Variants in SUZ12 observed in about 807,000 individuals in gnomAD.
The protein encoded by SUZ12 is SUZ12 polycomb repressive complex 2 subunit, also known as polycomb protein SUZ12.
Under a neutral mutation model 87.3 loss-of-function variants are expected in SUZ12, and 17 were observed. The observed-to-expected ratio is 0.19, with a 90% CI of 0.13 to 0.29. The LOEUF is 0.29. Among genes scored for constraint, SUZ12 ranks in the 10% least tolerant of loss-of-function variants. The pLI is 1.00. For synonymous variants in SUZ12, 253 were observed against 312.4 expected (o/e 0.81, Z 2.01); for missense variants, 526 against 912.2 (o/e 0.58, Z 5.45).
intron 4 of SUZ12, among the ~76,000 whole-genome samples, chr17:31,952,416 T>G (rs1172237898): frequency 6.6e-6 from 1 of 152,178 alleles, no homozygotes; most frequent in Non-Finnish European, 1.5e-5. Flanking sequence ...CAGCTCTTGT[T>G]TCTGGTACTC....
chr17:31,953,711 ATTTTTTTT>A (rs756892113), intron 4 of SUZ12, among the ~76,000 whole-genome samples: 3 of 131,760 alleles, frequency 2.3e-5, no homozygotes, highest in African/African-American at 8.6e-5. Flanking sequence ...CCCAGCCTCA[ATTTTTTTT>A]TTTTTTTTTT....
intron 4 of SUZ12, among the ~76,000 whole-genome samples, chr17:31,952,337 G>A (rs1408212903): frequency 1.3e-5 from 2 of 152,176 alleles, no homozygotes; most frequent in Admixed American, 6.5e-5. Context: ...CGGGATTACA[G>A]GTGTGAGCCA....
intron 4 of SUZ12, among the ~76,000 whole-genome samples, chr17:31,964,806 A>G (rs1420656699): frequency 1.3e-5 from 2 of 151,828 alleles, no homozygotes; most frequent in African/African-American, 4.8e-5. Flanking sequence ...CTTGCCTCTT[A>G]TTTCTCTATC....
chr17:31,940,565 A>G, intron 3 of SUZ12, 79 bp downstream of exon 3: 1 of 1,519,816 alleles, frequency 6.6e-7, no homozygotes, highest in South Asian at 1.3e-5. Flanking sequence ...AAAATTAAAA[A>G]AAAAAACGAA....
intron 8 of SUZ12, among the ~76,000 whole-genome samples, chr17:31,981,390 A>G (rs1490553456): frequency 3.9e-5 from 6 of 152,186 alleles, no homozygotes; most frequent in Non-Finnish European, 5.9e-5. Context: ...GCGTTTTTTC[A>G]CTTATCAGAT....
At chr17:31,940,075 C>G (rs1906181312) in intron 1 of SUZ12, among the ~76,000 whole-genome samples, 1 of 152,108 alleles carries the variant, frequency 6.6e-6, no homozygotes. Flanking sequence ...GTATAAAAAG[C>G]ATAGATGAAC....
At chr17:31,966,011 G>A in intron 4 of SUZ12, 136 bp from the exon 5 acceptor site, 1 of 715,914 alleles carries the variant, frequency 1.4e-6, no homozygotes, top group South Asian at 2.1e-5. Flanking sequence ...TAGAGTCATG[G>A]GCCTGAATAA....
intron 3 of SUZ12, among the ~76,000 whole-genome samples, chr17:31,941,624 A>T (rs904173703): frequency 6.6e-6 from 1 of 150,552 alleles, no homozygotes; most frequent in African/African-American, 2.5e-5. Flanking sequence ...ACCTCGGCTC[A>T]CTGCAACCTC....
chr17:31,960,461 G>C (rs1417169821), intron 4 of SUZ12, among the ~76,000 whole-genome samples: 2 of 151,690 alleles, frequency 1.3e-5, no homozygotes, highest in African/African-American at 4.8e-5. Context: ...TGCCCGCCTC[G>C]GCCTCCCAAA....
chr17:31,972,383 G>GTATA (rs71142099), intron 5 of SUZ12, among the ~76,000 whole-genome samples: 1,654 of 144,654 alleles, frequency 0.011, 23 homozygotes, highest in African/African-American at 0.037. Context: ...GTTTGTGTGT[G>GTATA]TATATATATA....
At chr17:31,988,528 A>G (rs762250368) in intron 10 of SUZ12, 31 bp downstream of exon 10, 1 of 1,565,862 alleles carries the variant, frequency 6.4e-7, no homozygotes, top group South Asian at 1.2e-5. Flanking sequence ...AAATAATAAA[A>G]TAATGGTTTG....
intron 4 of SUZ12, among the ~76,000 whole-genome samples, chr17:31,952,276 T>C (rs1377667802): frequency 6.6e-6 from 1 of 152,120 alleles, no homozygotes; most frequent in African/African-American, 2.4e-5. Flanking sequence ...CCCAGGCTGG[T>C]CTCAAACTCC....
At chr17:31,944,133 A>T (rs916675308) in intron 3 of SUZ12, among the ~76,000 whole-genome samples, 3 of 151,996 alleles carry the variant, frequency 2.0e-5, no homozygotes, top group African/African-American at 7.3e-5. Flanking sequence ...TTTTATTATT[A>T]TTATTTTTTT....
chr17:31,974,965 TAAAC>T lies in SUZ12; in HGVS notation c.592-514_592-511del, dbSNP rs1462513549. Among the ~76,000 whole-genome samples, 6 of 152,322 alleles carry T rather than the reference TAAAC, an allele frequency of 3.9e-5. No individual in the cohort carries two copies. The East Asian group carries it at 9.6e-4, about 24-fold the overall frequency. Reference sequence around the variant, plus strand: ...TTTTAAGGATGATGATTCTTTCTGTTAAACAACATATTTTAACTATATGGATTTA... The same window carrying T: ...TTTTAAGGATGATGATTCTTTCTGTTAACATATTTTAACTATATGGATTTA... On this transcript the variant is annotated intron_variant, in intron 6 of 15. Coordinates refer to ENST00000322652, the MANE Select transcript of SUZ12 (RefSeq NM_015355.4).
chr17:31,960,848 G>C (rs1345879955), intron 4 of SUZ12, among the ~76,000 whole-genome samples: 1 of 152,138 alleles, frequency 6.6e-6, no homozygotes, highest in Non-Finnish European at 1.5e-5. Context: ...AAAGTGCTGG[G>C]GTTATAGGTG....
At chr17:31,998,549 C>T (rs534725911) in intron 15 of SUZ12, 109 bp from the exon 16 acceptor site, 2 of 701,316 alleles carry the variant, frequency 2.9e-6, no homozygotes, top group African/African-American at 1.8e-5. Flanking sequence ...CTTCTTTAAT[C>T]ATCTTTTATT....
intron 1 of SUZ12, among the ~76,000 whole-genome samples, chr17:31,940,010 C>T (rs112075391): frequency 0.099 from 15,099 of 152,144 alleles, 1,027 homozygotes; most frequent in Middle Eastern, 0.15. Flanking sequence ...GAGTTCTGCT[C>T]GGTAACAATA....
intron 4 of SUZ12, among the ~76,000 whole-genome samples, chr17:31,949,676 C>CTTTT (rs71360790): frequency 2.4e-4 from 3 of 12,372 alleles, no homozygotes; most frequent in African/African-American, 1.0e-3. Context: ...CCCCCCCCCC[C>CTTTT]TTTTTTTTTT....
chr17:31,941,297 C>G (rs1363448212), intron 3 of SUZ12, among the ~76,000 whole-genome samples: 2 of 151,548 alleles, frequency 1.3e-5, no homozygotes, highest in Non-Finnish European at 2.9e-5. Flanking sequence ...ACTCTTGTCC[C>G]CCACGCTGGA....
Sources: allele counts gnomAD v4.1 joint callset (sites outside exome capture counted in the v4.1 genomes callset), GRCh38; gene constraint gnomAD v4.1.1; transcripts MANE v1.5; gene names NCBI Gene and HGNC (gene_info 2026-07-23, HGNC 2026-07-21).